Variants in TIPIN observed in about 807,000 individuals in gnomAD.
The protein encoded by TIPIN is TIMELESS interacting protein.
TIPIN carries 29 observed loss-of-function variants against 35.6 expected under a neutral mutation model. That is an observed-to-expected ratio of 0.82 (90% confidence interval 0.61 to 1.11). TIPIN has a LOEUF of 1.11. Ranked by LOEUF, TIPIN falls within the 50% of genes most tolerant of loss-of-function variation. TIPIN has a pLI of 0.00. For synonymous variants in TIPIN, 102 were observed against 121.5 expected, an observed-to-expected ratio of 0.84 and a Z score of 1.06; for missense variants, 296 against 345.4, an observed-to-expected ratio of 0.86 and a Z score of 1.13.
At position 66,386,713 on chromosome 15, in the gene TIPIN, G is replaced by T. The variant is rs1595830319; in HGVS notation, c.-115C>A. On this transcript the variant is annotated 5_prime_UTR_variant, in exon 1 of 8. Coordinates refer to the TIPIN transcript ENST00000562124. ...TGCTTGCCTCGGGGCGACAGAGGGC[G>T]CCACGGCGTCCGCGACGGACCCCGC... 7 of 186,096 alleles carry T rather than the reference G, an allele frequency of 3.8e-5. No individual in the cohort carries two copies. The East Asian group carries it at 6.0e-4, about 16-fold the overall frequency. The allele number at this position is 186,096 out of a possible 1,614,324, so 11.5% of individuals were successfully genotyped here.
At chr15:66,369,157 G>A (rs1299041597) in intron 1 of TIPIN, among the ~76,000 whole-genome samples, 2 of 151,988 alleles carry the variant, frequency 1.3e-5, no homozygotes, top group African/African-American at 4.8e-5. Context: ...AGGGGAGCAA[G>A]GATAAATAGC....
chr15:66,372,290 G>T (rs545960666), intron 1 of TIPIN, among the ~76,000 whole-genome samples: 43 of 152,286 alleles, frequency 2.8e-4, no homozygotes, highest in Non-Finnish European at 3.7e-4. Context: ...GACTAGGTTT[G>T]CCAGGTTTTG....
chr15:66,383,860 T>G (rs1404828521), intron 1 of TIPIN, among the ~76,000 whole-genome samples: 2 of 152,220 alleles, frequency 1.3e-5, no homozygotes, highest in Non-Finnish European at 2.9e-5. Context: ...TCGTCATACT[T>G]TACACAAGCC....
chr15:66,384,799 C>T (rs752327101), intron 1 of TIPIN, among the ~76,000 whole-genome samples: 1 of 151,890 alleles, frequency 6.6e-6, no homozygotes, highest in Non-Finnish European at 1.5e-5. Context: ...GTAATCCCAG[C>T]TACTTGGGAG....
At chr15:66,375,496 A>G (rs914551537) in intron 1 of TIPIN, among the ~76,000 whole-genome samples, 12 of 55,948 alleles carry the variant, frequency 2.1e-4, no homozygotes, top group Non-Finnish European at 3.8e-4. Context: ...TTAATTGGAA[A>G]AGTTATATAT....
intron 6 of TIPIN, among the ~76,000 whole-genome samples, chr15:66,342,173 A>AGC (rs1198849587): frequency 7.3e-6 from 1 of 136,398 alleles, no homozygotes; most frequent in African/African-American, 2.7e-5. Flanking sequence ...TGGGCTACAG[A>AGC]GCAAGACTGT....
chr15:66,342,186 C>CAAAAAAAAAAAAA (rs55711983), intron 6 of TIPIN, among the ~76,000 whole-genome samples: 15 of 108,506 alleles, frequency 1.4e-4, no homozygotes, highest in East Asian at 9.0e-4. Context: ...AAGACTGTCT[C>CAAAAAAAAAAAAA]AAAAAAAAAA....
chr15:66,351,269 T>C (rs564139597), intron 4 of TIPIN, among the ~76,000 whole-genome samples: 7 of 152,276 alleles, frequency 4.6e-5, no homozygotes. Flanking sequence ...AATTATAAAA[T>C]AAAAACTGAG....
At chr15:66,355,983 C>G (rs1047950256) in intron 1 of TIPIN, among the ~76,000 whole-genome samples, 3 of 152,110 alleles carry the variant, frequency 2.0e-5, no homozygotes, top group African/African-American at 7.2e-5. Flanking sequence ...CAATAGACGA[C>G]TTTTACTCCT....
intron 1 of TIPIN, chr15:66,371,201 A>G: frequency 1.1e-6 from 1 of 948,460 alleles, no homozygotes; most frequent in South Asian, 4.9e-5. Context: ...ACAGAGGGAA[A>G]CTCTCAAAAA....
rs1250931835 is a variant in TIPIN, at chr15:66,340,264, GCCT to G, written c.682+883_682+885del. On this transcript the variant is annotated intron_variant, in intron 7 of 7. Coordinates refer to ENST00000261881, the MANE Select transcript of TIPIN (RefSeq NM_017858.3). ...TTGATCTCAGCTCACTGCAACCTCT[GCCT>G]CCTGGGTTCAAGCAATTCTCCTGCC... is the stretch of plus-strand genomic sequence containing the variant. Among the ~76,000 whole-genome samples the G allele has an allele frequency of 6.0e-5, 8 of 132,978 alleles. No homozygotes were observed. In the Admixed American group the frequency reaches 6.1e-4, roughly 10 times the overall value. 87.2% of individuals were successfully genotyped at this position (132,978 alleles called of 152,430 possible). A position where few individuals can be genotyped will look rare whatever the true frequency, so the allele number is the denominator to read the frequency against.
At chr15:66,363,439 C>G (rs186122011) in intron 1 of TIPIN, among the ~76,000 whole-genome samples, 1 of 151,970 alleles carries the variant, frequency 6.6e-6, no homozygotes, top group East Asian at 1.9e-4. Flanking sequence ...GTCAGGAGAT[C>G]GAGACCATCC....
At chr15:66,357,424 C>T (rs1272607204), upstream of TIPIN, among the ~76,000 whole-genome samples, 1 of 151,908 alleles carries the variant, frequency 6.6e-6, no homozygotes, top group East Asian at 1.9e-4. Context: ...AAAAATAGGG[C>T]TGAACATAGA....
intron 1 of TIPIN, chr15:66,382,385 A>G (rs2093321584): frequency 1.0e-6 from 1 of 985,126 alleles, no homozygotes; most frequent in Non-Finnish European, 1.2e-6. Flanking sequence ...AATTCTTGAT[A>G]TGTTTTCATC....
chr15:66,374,078 T>C (rs185658643), intron 1 of TIPIN, among the ~76,000 whole-genome samples: 6 of 152,274 alleles, frequency 3.9e-5, no homozygotes, highest in Admixed American at 2.0e-4. Flanking sequence ...AAAATATACA[T>C]AATAAAACAT....
Position 66,341,322 on chromosome 15 carries a change from A to G in TIPIN, c.510T>C (p.Thr170=). 1.2e-6 allele frequency: 2 copies of G among 1,613,886 alleles called. No homozygotes were observed. The highest frequency in any genetic ancestry group is 1.7e-6 in the Non-Finnish European group (2 of 1,179,992). ...EVAENNEHDV[T]STELDPFLTN... is the part of the protein sequence containing the mutation. ...TCAGAAAGGGATCTAATTCAGTAGA[A>G]GTGACATCATGTTCATTATTCTCCG... The change falls in exon 7 of 8, where the codon ACT becomes ACC. Residue 170 remains threonine (T), a synonymous_variant. Coordinates refer to ENST00000261881, the MANE Select transcript of TIPIN (RefSeq NM_017858.3).
rs1282263338 is a variant in TIPIN at position 66,379,556 on chromosome 15, T to G, written c.-9+7051A>C. ...TCATCCGCACCCTGCGGATGTATTT[T>G]TCACCCAAGAAATTTCGGATTTCAA... On this transcript the variant is annotated intron_variant, in intron 1 of 7. Coordinates refer to the TIPIN transcript ENST00000562124. 3.1e-6 allele frequency: 5 copies of G among 1,611,102 alleles called. No homozygotes were observed. In the African/African-American group the frequency reaches 4.0e-5, roughly 13 times the overall value.
intron 4 of TIPIN, among the ~76,000 whole-genome samples, chr15:66,351,000 ACT>A (rs757811761): frequency 1.3e-5 from 2 of 151,710 alleles, no homozygotes; most frequent in East Asian, 1.9e-4. Context: ...AAACTACAAA[ACT>A]CTCTAAAAAT....
At chr15:66,370,456 G>A (rs976443747) in intron 1 of TIPIN, among the ~76,000 whole-genome samples, 1 of 151,792 alleles carries the variant, frequency 6.6e-6, no homozygotes, top group Non-Finnish European at 1.5e-5. Context: ...CCAAGGAAGC[G>A]GATGTCCTTG....
Sources: allele counts gnomAD v4.1 joint callset (sites outside exome capture counted in the v4.1 genomes callset), GRCh38; gene constraint gnomAD v4.1.1; transcripts MANE v1.5; gene names NCBI Gene and HGNC (gene_info 2026-07-23, HGNC 2026-07-21).